MED15: variants seen among roughly 807,000 people sequenced by gnomAD.
MED15 encodes the protein mediator complex subunit 15.
Under a neutral mutation model 118.7 loss-of-function variants are expected in MED15, and 41 were observed. The ratio of observed to expected loss-of-function variants is 0.35; its 90% CI spans 0.27 to 0.45. The LOEUF (loss-of-function observed/expected upper bound fraction) is 0.45. MED15 is among the 20% of genes least tolerant of loss of function. The probability of loss-of-function intolerance (pLI) is 1.00; values close to 1 mark genes in which losing one functional copy is unlikely to be tolerated. For missense variants in MED15, 740 were observed against 1,025.5 expected, an observed-to-expected ratio of 0.72 and a Z score of 3.80; for synonymous variants, 436 against 413.9, an observed-to-expected ratio of 1.05 and a Z score of -0.65.
intron 1 of MED15, chr22:20,523,576 C>G (rs1370377745): frequency 2.1e-5 from 18 of 863,586 alleles, no homozygotes; most frequent in Non-Finnish European, 2.4e-5. Context: ...TCGAGCTTCC[C>G]CACCCCCACC....
chr22:20,541,205 C>T lies in MED15; in HGVS notation c.156+4001C>T, dbSNP rs558842876. Among the ~76,000 whole-genome samples, 7 of 151,908 alleles carry T rather than the reference C, an allele frequency of 4.6e-5. No individual in the cohort carries two copies. In the East Asian group the frequency reaches 1.4e-3, roughly 29 times the overall value. ...AGTGAGCCAAGATCATGCCACTGCA[C>T]TCCAGACTGGGTGACAGAGTGAGAC... On this transcript the variant is annotated intron_variant, in intron 2 of 17. Transcript: ENST00000263205.
intron 13 of MED15, chr22:20,584,023 T>G: frequency 2.8e-6 from 1 of 358,516 alleles, no homozygotes; most frequent in East Asian, 5.9e-5. Context: ...TATTGGGTGG[T>G]CCTCCAGGTC....
chr22:20,586,641 G>T lies in MED15; in HGVS notation c.2304G>T (p.Ser768=), dbSNP rs770935643. The T allele has an allele frequency of 1.9e-6, 3 of 1,612,838 alleles. No homozygotes were observed. The highest frequency in any genetic ancestry group is 2.7e-5 in the African/African-American group (2 of 74,918). The stretch of plus-strand genomic sequence containing the variant: ...TGCTGCAGCTCCCGGACAAGCACTC[G>T]GTCACCGCCTTGCTCAACACCTGGG... The part of the protein sequence containing the change: ...SRLLQLPDKH[S]VTALLNTWAQ... The change falls in exon 18 of 18, where the codon TCG becomes TCT. Residue 768 remains serine, a synonymous_variant. Transcript: ENST00000263205.
At chr22:20,552,687 A>T (rs2055827551) in intron 3 of MED15, 1 of 315,624 alleles carries the variant, frequency 3.2e-6, no homozygotes, top group South Asian at 2.5e-5. Flanking sequence ...CTGGCCGTGG[A>T]CAGCCTCAGT....
chr22:20,564,359 T>C, intron 5 of MED15, 91 bp from the exon 6 acceptor site: 1 of 1,552,636 alleles, frequency 6.4e-7, no homozygotes, highest in East Asian at 2.3e-5. Context: ...AGTGGGGCTT[T>C]TGCTGGCTGT....
intron 1 of MED15, among the ~76,000 whole-genome samples, chr22:20,533,141 A>G (rs1331371555): frequency 6.6e-6 from 1 of 152,062 alleles, no homozygotes; most frequent in Non-Finnish European, 1.5e-5. Flanking sequence ...GCTGTTCTGA[A>G]GGTGGGCCTG....
chr22:20,510,327 A>C (rs1297022250), intron 1 of MED15, among the ~76,000 whole-genome samples: 1 of 152,170 alleles, frequency 6.6e-6, no homozygotes. Flanking sequence ...CGGAGGTTGC[A>C]GTGAGCCGAG....
chr22:20,586,824 A>C lies in MED15; in HGVS notation c.*120A>C. On this transcript the variant is annotated 3_prime_UTR_variant, in exon 18 of 18. Coordinates refer to ENST00000263205, the MANE Select transcript of MED15 (RefSeq NM_001003891.3). ...GGGTTAGGTTAGCTTTCCTGCTTTT[A>C]TCTTCTGCCTTGGGGACCTGCCAAA... is the stretch of plus-strand genomic sequence containing the variant. 1 of 1,409,184 alleles carries C rather than the reference A, an allele frequency of 7.1e-7. No individual in the cohort carries two copies. The highest frequency in any genetic ancestry group is 1.4e-5 in the African/African-American group (1 of 70,198). The allele number at this position is 1,409,184 out of a possible 1,614,324, so 87.3% of individuals were successfully genotyped here. A position where few individuals can be genotyped will look rare whatever the true frequency, so the allele number is the denominator to read the frequency against.
intron 1 of MED15, among the ~76,000 whole-genome samples, chr22:20,533,822 G>A (rs2146428440): frequency 6.6e-6 from 1 of 152,270 alleles, no homozygotes; most frequent in South Asian, 2.1e-4. Context: ...CCTGGTGTAT[G>A]GTGCCACCTT....
intron 1 of MED15, among the ~76,000 whole-genome samples, chr22:20,522,569 T>C (rs2054501017): frequency 6.6e-6 from 1 of 152,168 alleles, no homozygotes; most frequent in South Asian, 2.1e-4. Context: ...CATGCGTATA[T>C]GAGCTTGCAG....
At position 20,544,394 on chromosome 22, in the gene MED15, G is replaced by A. The variant is rs111348077; in HGVS notation, c.157-7042G>A. 4.9e-3 allele frequency among the ~76,000 whole-genome samples: 753 copies of A among 152,238 alleles called. 9 individuals carry two copies. Among genetic ancestry groups the A allele is most frequent in the African/African-American group, 0.017 (716 of 41,550 alleles). On this transcript the variant is annotated intron_variant, in intron 2 of 17. Transcript: ENST00000263205. ...AAGAACAGAAATTTAGGCCGGGTGC[G>A]GTGGCTCACGCCTGTAATCCCAGCA...
chr22:20,525,005 G>A (rs2054583211), intron 1 of MED15, among the ~76,000 whole-genome samples: 1 of 152,152 alleles, frequency 6.6e-6, no homozygotes. Flanking sequence ...GGAAGGTTTA[G>A]ATAGGTGAAA....
chr22:20,510,470 C>T (rs766648225), intron 1 of MED15, among the ~76,000 whole-genome samples: 1 of 152,150 alleles, frequency 6.6e-6, no homozygotes, highest in Non-Finnish European at 1.5e-5. Flanking sequence ...AGGTCTCCTG[C>T]TATCAAGGCC....
chr22:20,552,996 A>G, intron 3 of MED15, 149 bp from the exon 4 acceptor site: 1 of 691,672 alleles, frequency 1.4e-6, no homozygotes, highest in Non-Finnish European at 2.5e-6. Context: ...TGCCAAGAGT[A>G]GAAACACTTC....
chr22:20,508,523 G>C (rs2053953906), intron 1 of MED15: 1 of 752,692 alleles, frequency 1.3e-6, no homozygotes. Flanking sequence ...GGAGATAGGG[G>C]TGGGGTCGTT....
chr22:20,510,724 A>C (rs549557670), intron 1 of MED15, among the ~76,000 whole-genome samples: 80 of 152,278 alleles, frequency 5.3e-4, no homozygotes, highest in African/African-American at 1.8e-3. Context: ...CTTCTGCCAC[A>C]TCTCTCTGAT....
chr22:20,527,204 A>G (rs1019057059), intron 1 of MED15, among the ~76,000 whole-genome samples: 7 of 152,034 alleles, frequency 4.6e-5, no homozygotes, highest in Non-Finnish European at 1.0e-4. Context: ...TGGAGTGTTT[A>G]ATGTTCACTC....
At chr22:20,510,677 A>T (rs940916309) in intron 1 of MED15, among the ~76,000 whole-genome samples, 8 of 152,200 alleles carry the variant, frequency 5.3e-5, no homozygotes, top group African/African-American at 1.9e-4. Flanking sequence ...ATTCCTTCTC[A>T]TGCTTTTTAT....
Position 20,566,724 on chromosome 22 carries a change from A to C in MED15, c.948A>C (p.Ser316=), listed in dbSNP as rs552473209. The C allele has an allele frequency of 6.2e-7, 1 of 1,613,984 alleles. No individual in the cohort carries two copies. Among genetic ancestry groups the C allele is most frequent in the Admixed American group, 1.7e-5 (1 of 60,004 alleles). The stretch of plus-strand genomic sequence containing the variant: ...CTCCAGTTGCTCAGAACCAACCATC[A>C]CAACTCCCGCCACAGTCGCAGACCC... ...QQPPVAQNQP[S]QLPPQSQTQP... is the part of the protein sequence containing the mutation. Residue 316 remains serine, a synonymous_variant, in exon 7 of 18, where the codon TCA becomes TCC. Coordinates refer to ENST00000263205, the MANE Select transcript of MED15 (RefSeq NM_001003891.3).
Sources: gnomAD v4.1 joint callset for allele counts (sites outside exome capture counted in the v4.1 genomes callset) on GRCh38, gnomAD v4.1.1 for gene constraint, MANE v1.5 for transcripts, NCBI Gene and HGNC (gene_info 2026-07-23, HGNC 2026-07-21) for gene names.